DLC1: variants seen among roughly 807,000 people sequenced by gnomAD.
DLC1 encodes DLC1 Rho GTPase activating protein, also known as rho GTPase-activating protein 7.
A neutral mutation model predicts 140.3 loss-of-function variants in DLC1; 54 were observed. That is an observed-to-expected ratio of 0.38 (90% CI 0.31 to 0.48). The LOEUF is 0.48. Ranked by LOEUF, DLC1 falls within the 20% of genes least tolerant of loss-of-function variation. DLC1 has a pLI of 0.96. For missense variants in DLC1, 2,536 were observed against 1,907.0 expected (o/e 1.33, Z -6.14); for synonymous variants, 986 against 728.1 (o/e 1.35, Z -5.70).
In DLC1 at chr8:13,559,947, T is replaced by C. The variant is rs189634363; in HGVS notation, c.-126+44590A>G. On this transcript the variant is annotated intron_variant, in intron 1 of 1. Transcript: ENST00000631382. ...AATTGCATAAAGATGCCCAGAACCA[T>C]TCTGAAATTGAACTACAATAAAACA... is the stretch of plus-strand genomic sequence containing the variant. Among the ~76,000 whole-genome samples, 620 of 152,334 alleles carry C rather than the reference T, an allele frequency of 4.1e-3. 2 individuals are homozygous for C. Among genetic ancestry groups the C allele is most frequent in the Non-Finnish European group, 6.7e-3 (454 of 68,026 alleles).
chr8:13,557,544 G>T (rs893138496), intron 1 of DLC1: 1 of 152,220 alleles, frequency 6.6e-6, no homozygotes, highest in Admixed American at 6.6e-5. Flanking sequence ...GGATCATGGG[G>T]GTGGTTTTCC....
At chr8:13,326,368 C>G (rs1833347944) in intron 4 of DLC1, among the ~76,000 whole-genome samples, 1 of 152,146 alleles carries the variant, frequency 6.6e-6, no homozygotes, top group Admixed American at 6.5e-5. Context: ...GAGTTGGGGA[C>G]ATGTTATAGT....
At chr8:13,165,779 C>T (rs1346267068) in intron 5 of DLC1, among the ~76,000 whole-genome samples, 1 of 152,178 alleles carries the variant, frequency 6.6e-6, no homozygotes, top group Non-Finnish European at 1.5e-5. Context: ...ATTCTCTTTC[C>T]ACTCAGTCTT....
At chr8:13,320,130 C>T (rs1833033478) in intron 4 of DLC1, among the ~76,000 whole-genome samples, 1 of 152,040 alleles carries the variant, frequency 6.6e-6, no homozygotes, top group Admixed American at 6.6e-5. Flanking sequence ...ATTCTATAAC[C>T]TTATTATTAG....
At chr8:13,244,213 C>T (rs1248085985) in intron 5 of DLC1, among the ~76,000 whole-genome samples, 3 of 152,074 alleles carry the variant, frequency 2.0e-5, no homozygotes, top group East Asian at 3.9e-4. Flanking sequence ...CTTACAGTGA[C>T]TTTTAAGGAC....
chr8:13,114,457 CA>C (rs1330659563), intron 6 of DLC1, among the ~76,000 whole-genome samples: 5 of 152,094 alleles, frequency 3.3e-5, no homozygotes, highest in African/African-American at 1.2e-4. Flanking sequence ...AGAATGACCT[CA>C]GTATCCAAGC....
At chr8:13,494,117 T>G (rs1801388888) in intron 2 of DLC1, among the ~76,000 whole-genome samples, 1 of 152,186 alleles carries the variant, frequency 6.6e-6, no homozygotes, top group Admixed American at 6.5e-5. Flanking sequence ...GGTATTCTGT[T>G]GCATGAAATT....
chr8:13,419,550 C>G (rs960666468), intron 2 of DLC1, among the ~76,000 whole-genome samples: 52 of 152,254 alleles, frequency 3.4e-4, no homozygotes, highest in African/African-American at 1.2e-3. Flanking sequence ...ACCTGGCATC[C>G]CAGGGATGAA....
intron 5 of DLC1, among the ~76,000 whole-genome samples, chr8:13,225,556 T>G (rs1188305): frequency 1.1e-4 from 17 of 151,844 alleles, no homozygotes; most frequent in Non-Finnish European, 2.4e-4. Context: ...TTTTCTTACC[T>G]CAAGGCTGAA....
At chr8:13,446,179 CA>C (rs777362848) in intron 2 of DLC1, among the ~76,000 whole-genome samples, 5 of 152,140 alleles carry the variant, frequency 3.3e-5, no homozygotes, top group Non-Finnish European at 7.4e-5. Flanking sequence ...TTCCAGAAAA[CA>C]AAGAACTTTT....
At chr8:13,444,725 A>C (rs117763126) in intron 2 of DLC1, among the ~76,000 whole-genome samples, 1 of 152,220 alleles carries the variant, frequency 6.6e-6, no homozygotes, top group African/African-American at 2.4e-5. Flanking sequence ...TTAACATTAC[A>C]AGAATAGAAG....
intron 5 of DLC1, among the ~76,000 whole-genome samples, chr8:13,143,964 A>G (rs1334414089): frequency 6.6e-6 from 1 of 152,160 alleles, no homozygotes; most frequent in Non-Finnish European, 1.5e-5. Flanking sequence ...CCCAGCTATC[A>G]TCTGACTGCA....
chr8:13,470,971 G>C (rs181469567), intron 2 of DLC1, among the ~76,000 whole-genome samples: 30 of 152,276 alleles, frequency 2.0e-4, no homozygotes, highest in Admixed American at 1.4e-3. Context: ...GCCAAAAATA[G>C]AAGGAAATCC....
intron 2 of DLC1, among the ~76,000 whole-genome samples, chr8:13,423,840 G>C (rs969985266): frequency 2.0e-5 from 3 of 152,048 alleles, no homozygotes; most frequent in African/African-American, 7.2e-5. Flanking sequence ...TAAAGAAAAG[G>C]CTGAATATTT....
chr8:13,459,472 C>T (rs1339775109), intron 2 of DLC1, among the ~76,000 whole-genome samples: 1 of 152,136 alleles, frequency 6.6e-6, no homozygotes, highest in African/African-American at 2.4e-5. Context: ...TGTATAATGA[C>T]CAAGTAACTC....
At chr8:13,442,004 A>G (rs1442207221) in intron 2 of DLC1, among the ~76,000 whole-genome samples, 1 of 152,164 alleles carries the variant, frequency 6.6e-6, no homozygotes, top group Non-Finnish European at 1.5e-5. Flanking sequence ...TACCAAAACA[A>G]GATACAGACC....
chr8:13,263,602 T>A (rs891638), intron 5 of DLC1, among the ~76,000 whole-genome samples: 108,944 of 150,308 alleles, frequency 0.72, 39,881 homozygotes, highest in East Asian at 0.92. Flanking sequence ...ACATATGTGT[T>A]TATAAATATA....
At chr8:13,450,452 C>CAAA (rs759911909) in intron 2 of DLC1, among the ~76,000 whole-genome samples, 1,942 of 53,210 alleles carry the variant, frequency 0.036, 184 homozygotes, top group African/African-American at 0.089. Context: ...GAGACTGTCT[C>CAAA]AAAAAAAAAA....
chr8:13,311,254 G>T (rs1383624509), intron 4 of DLC1, among the ~76,000 whole-genome samples: 3 of 152,176 alleles, frequency 2.0e-5, no homozygotes, highest in Non-Finnish European at 4.4e-5. Context: ...TTTGTGGCCA[G>T]ATGGAAACTA....
Sources: allele counts gnomAD v4.1 joint callset (sites outside exome capture counted in the v4.1 genomes callset), GRCh38; gene constraint gnomAD v4.1.1; transcripts MANE v1.5; gene names NCBI Gene and HGNC (gene_info 2026-07-23, HGNC 2026-07-21).